Variants in EDN3 observed in about 807,000 individuals in gnomAD.
EDN3 encodes the protein endothelin 3.
In EDN3, 9 loss-of-function variants were observed where a neutral mutation model predicts 21.4. That is an observed-to-expected ratio of 0.42 (90% confidence interval 0.25 to 0.73). The LOEUF is 0.73. Among genes scored for constraint, EDN3 ranks in the 30% least tolerant of loss-of-function variants. The pLI is 0.26. For missense variants in EDN3, 327 were observed against 309.4 expected, an observed-to-expected ratio of 1.06 and a Z score of -0.43; for synonymous variants, 133 against 126.2, an observed-to-expected ratio of 1.05 and a Z score of -0.36.
At chr20:59,315,097 T>C (rs1990089731) in intron 2 of EDN3, among the ~76,000 whole-genome samples, 1 of 152,230 alleles carries the variant, frequency 6.6e-6, no homozygotes, top group South Asian at 2.1e-4. Flanking sequence ...TAAAGGTGAT[T>C]GACATTTTCC....
Position 59,325,485 on chromosome 20 carries a change from GCC to G in EDN3, c.*1028_*1029del, listed in dbSNP as rs1990788889. ...AAAGTCGCCTGCGCAGGGGAGGGCT[GCC>G]CATCTCCCCAACCCAGTCACAGAGA... On this transcript the variant is annotated 3_prime_UTR_variant, in exon 5 of 5. Coordinates refer to ENST00000337938, the MANE Select transcript of EDN3 (RefSeq NM_207034.3). 1 of 152,176 alleles carries G rather than the reference GCC, an allele frequency of 6.6e-6. No individual in the cohort carries two copies. Among genetic ancestry groups the G allele is most frequent in the Admixed American group, 6.5e-5 (1 of 15,276 alleles). The allele number at this position is 152,176 out of a possible 1,614,324, so 9.4% of individuals were successfully genotyped here.
At chr20:59,313,163 T>G (rs1989940920) in intron 2 of EDN3, among the ~76,000 whole-genome samples, 1 of 152,208 alleles carries the variant, frequency 6.6e-6, no homozygotes, top group African/African-American at 2.4e-5. Context: ...TTTGGGACAC[T>G]GGGTAGGGCT....
rs57144708 is a variant in EDN3 at position 59,306,595 on chromosome 20, T to TAAAA, written c.365+4894_365+4897dup. Reference sequence around the variant, plus strand: ...TTTTCTCCCCTAAATGCATAAAGAGTAAAAAAAAAAAAAAAAAAAAAAAAG... The same window carrying TAAAA: ...TTTTCTCCCCTAAATGCATAAAGAGTAAAAAAAAAAAAAAAAAAAAAAAAAAAAG... On this transcript the variant is annotated intron_variant, in intron 2 of 4. Transcript: ENST00000337938. Among the ~76,000 whole-genome samples, 529 of 62,396 alleles carry TAAAA rather than the reference T, an allele frequency of 8.5e-3. 13 individuals carry two copies. The highest frequency in any genetic ancestry group is 0.04 in the African/African-American group (480 of 11,988). The allele number at this position is 62,396 out of a possible 152,430, so 40.9% of individuals were successfully genotyped here.
intron 1 of EDN3, 32 bp from the exon 2 acceptor site, chr20:59,301,378 A>G: frequency 6.2e-7 from 1 of 1,601,432 alleles, no homozygotes; most frequent in Non-Finnish European, 8.5e-7. Context: ...CTGCACACTC[A>G]GCTTAGGAGC....
chr20:59,301,753 G>A (rs374161345), intron 2 of EDN3, 31 bp downstream of exon 2: 187 of 1,611,674 alleles, frequency 1.2e-4, no homozygotes, highest in Admixed American at 6.5e-4. Context: ...GAGGAACGTG[G>A]CTCCCGGACC....
intron 2 of EDN3, among the ~76,000 whole-genome samples, chr20:59,303,136 T>TTAATACTTTCTGAA (rs1281457742): frequency 4.6e-5 from 7 of 152,246 alleles, no homozygotes; most frequent in Non-Finnish European, 7.3e-5. Context: ...CTTGAAATCC[T>TTAATACTTTCTGAA]TAATACTTTC....
intron 2 of EDN3, among the ~76,000 whole-genome samples, chr20:59,317,756 G>T (rs999233058): frequency 6.6e-6 from 1 of 152,210 alleles, no homozygotes; most frequent in Non-Finnish European, 1.5e-5. Flanking sequence ...GATTTTTGTG[G>T]TTATTGAACT....
chr20:59,323,233 G>T (rs1228441218), intron 4 of EDN3, among the ~76,000 whole-genome samples: 1 of 152,148 alleles, frequency 6.6e-6, no homozygotes, highest in Non-Finnish European at 1.5e-5. Context: ...AATGGAGCGG[G>T]AGGAGGAGGG....
In EDN3 at chr20:59,301,551, C is replaced by T; in HGVS notation, c.194C>T (p.Thr65Ile). The T allele has an allele frequency of 6.2e-7, 1 of 1,613,666 alleles. No homozygotes were observed. The highest frequency in any genetic ancestry group is 8.5e-7 in the Non-Finnish European group (1 of 1,179,908). Residue 65 changes from threonine (T) to isoleucine (I), a missense_variant, in exon 2 of 5, where the codon ACT becomes ATT. Coordinates refer to ENST00000337938, the MANE Select transcript of EDN3 (RefSeq NM_207034.3). ...EETVAGPGEG[T>I]VAPTALQGPS... ...ACTGTGGCTGGCCCTGGCGAGGGGA[C>T]TGTGGCCCCGACAGCACTGCAGGGT... is the stretch of plus-strand genomic sequence containing the variant.
Position 59,323,790 on chromosome 20 carries a change from A to G in EDN3, c.589-541A>G, listed in dbSNP as rs1465375056. 6 of 431,606 alleles carry G rather than the reference A, an allele frequency of 1.4e-5. No homozygotes were observed. The Middle Eastern group carries it at 2.4e-3, about 172-fold the overall frequency. 26.7% of individuals were successfully genotyped at this position (431,606 alleles called of 1,614,324 possible). On this transcript the variant is annotated intron_variant, in intron 4 of 4. Coordinates refer to ENST00000337938, the MANE Select transcript of EDN3 (RefSeq NM_207034.3). ...GGGAACGGCCAGAAGGGAGCCCTAT[A>G]TAGGAGAAGCACACCGGTCCTTTTG...
At position 59,300,689 on chromosome 20, in the gene EDN3, C is replaced by T. The variant is rs906861786; in HGVS notation, c.-124C>T. On this transcript the variant is annotated 5_prime_UTR_variant, in exon 1 of 5. Transcript: ENST00000337938. ...TGGCCGGAGCTGGAGACGCAGCGAGCGATCGGCCGGCCTCGAACCCCCACA... is the reference window on the plus strand; with the variant it reads ...TGGCCGGAGCTGGAGACGCAGCGAGTGATCGGCCGGCCTCGAACCCCCACA... 3.2e-6 allele frequency: 3 copies of T among 936,422 alleles called. No homozygotes were observed. The highest frequency in any genetic ancestry group is 3.2e-6 in the Non-Finnish European group (2 of 620,722). The allele number at this position is 936,422 out of a possible 1,614,324, so 58.0% of individuals were successfully genotyped here. A position where few individuals can be genotyped will look rare whatever the true frequency, so the allele number is the denominator to read the frequency against.
At chr20:59,318,481 C>T (rs1454002405) in intron 2 of EDN3, among the ~76,000 whole-genome samples, 2 of 152,198 alleles carry the variant, frequency 1.3e-5, no homozygotes, top group East Asian at 3.8e-4. Flanking sequence ...GGGAGGTGGG[C>T]CTCCATCGCG....
intron 2 of EDN3, among the ~76,000 whole-genome samples, chr20:59,314,532 A>G (rs960303495): frequency 5.3e-5 from 8 of 152,016 alleles, no homozygotes; most frequent in African/African-American, 1.7e-4. Context: ...CAAATGGACA[A>G]GGAGGGGCGG....
At chr20:59,318,943 A>C (rs1176655743) in intron 2 of EDN3, among the ~76,000 whole-genome samples, 1 of 152,154 alleles carries the variant, frequency 6.6e-6, no homozygotes, top group Non-Finnish European at 1.5e-5. Context: ...TAATGTCAAC[A>C]CTCAGAGATT....
Position 59,324,294 on chromosome 20 carries a change from T to C in EDN3, c.589-37T>C, listed in dbSNP as rs762674210. ...AGAGCTACACTTTCATAACATACCT[T>C]TCTTTTTTTTTCTTTTGCCCCCTTT... On this transcript the variant is annotated intron_variant, in intron 4 of 4. Transcript: ENST00000337938. The C allele has an allele frequency of 1.9e-6, 3 of 1,613,852 alleles. No homozygotes were observed. The Admixed American group carries it at 5.0e-5, about 27-fold the overall frequency.
intron 2 of EDN3, among the ~76,000 whole-genome samples, chr20:59,312,601 G>A (rs566603062): frequency 2.2e-4 from 33 of 152,352 alleles, no homozygotes; most frequent in African/African-American, 6.0e-4. Flanking sequence ...GGCCATGGAA[G>A]AGTGTAAACA....
rs1990521298 is a variant in EDN3, at chr20:59,321,207, T to A, written c.542+14T>A. 1 of 1,614,100 alleles carries A rather than the reference T, an allele frequency of 6.2e-7. No homozygotes were observed. Among genetic ancestry groups the A allele is most frequent in the African/African-American group, 1.3e-5 (1 of 75,058 alleles). On this transcript the variant is annotated intron_variant, in intron 3 of 4. Coordinates refer to ENST00000337938, the MANE Select transcript of EDN3 (RefSeq NM_207034.3). ...GGACGTCAGCAGGTATGACACCTCC[T>A]CCAGTTTCACTCATTTGCAGATATG...
chr20:59,315,534 T>A (rs1330856576), intron 2 of EDN3, among the ~76,000 whole-genome samples: 1 of 152,238 alleles, frequency 6.6e-6, no homozygotes, highest in Non-Finnish European at 1.5e-5. Context: ...CTGGGCTTTT[T>A]AAATGAAAAC....
At chr20:59,309,143 T>C (rs922276482) in intron 2 of EDN3, among the ~76,000 whole-genome samples, 2 of 152,144 alleles carry the variant, frequency 1.3e-5, no homozygotes, top group Non-Finnish European at 2.9e-5. Context: ...AAGTTTTCAG[T>C]AATGGGGCAT....
Sources: allele counts gnomAD v4.1 joint callset (sites outside exome capture counted in the v4.1 genomes callset), GRCh38; gene constraint gnomAD v4.1.1; transcripts MANE v1.5; gene names NCBI Gene and HGNC (gene_info 2026-07-23, HGNC 2026-07-21).